NELL1: variants seen among roughly 807,000 people sequenced by gnomAD.
NELL1 encodes the protein protein kinase C-binding protein NELL1.
In NELL1, 76 loss-of-function variants were observed where a neutral mutation model predicts 107.4. The observed-to-expected ratio is 0.71, with a 90% CI of 0.59 to 0.86. The LOEUF (loss-of-function observed/expected upper bound fraction) is 0.86, where lower values mean the gene tolerates loss of function less well. NELL1 is among the 40% of genes least tolerant of loss of function. The pLI is 0.00. For synonymous variants in NELL1, 353 were observed against 341.2 expected (o/e 1.03, Z -0.38); for missense variants, 1,024 against 1,005.5 (o/e 1.02, Z -0.25).
intron 9 of NELL1, among the ~76,000 whole-genome samples, chr11:20,931,727 A>G (rs190701109): frequency 1.1e-3 from 167 of 152,290 alleles, no homozygotes; most frequent in African/African-American, 3.9e-3. Context: ...GAGGGATATA[A>G]GTGAAACTAC....
intron 15 of NELL1, among the ~76,000 whole-genome samples, chr11:21,413,400 C>G (rs972362682): frequency 2.0e-5 from 3 of 151,914 alleles, no homozygotes; most frequent in Non-Finnish European, 4.4e-5. Context: ...ACCCCATTAT[C>G]CATCTTAGAT....
intron 14 of NELL1, among the ~76,000 whole-genome samples, chr11:21,247,137 G>A (rs918232938): frequency 2.6e-5 from 4 of 152,150 alleles, no homozygotes; most frequent in African/African-American, 7.2e-5. Flanking sequence ...GTTGCCCTGG[G>A]TGAGTCAGTG....
intron 14 of NELL1, chr11:21,284,460 C>T (rs542378689): frequency 2.4e-4 from 109 of 458,534 alleles, no homozygotes; most frequent in South Asian, 1.3e-3. Context: ...GTCAACATCA[C>T]GAAACTGGGA....
chr11:21,254,439 T>C (rs1858719012), intron 14 of NELL1, among the ~76,000 whole-genome samples: 1 of 152,006 alleles, frequency 6.6e-6, no homozygotes, highest in South Asian at 2.1e-4. Flanking sequence ...AAATTAAGTA[T>C]CATGAGAAAG....
intron 13 of NELL1, among the ~76,000 whole-genome samples, chr11:21,133,102 C>T (rs980910250): frequency 6.6e-6 from 1 of 152,118 alleles, no homozygotes; most frequent in African/African-American, 2.4e-5. Context: ...ACAGTCAGGT[C>T]ATCCCAACAA....
chr11:20,803,578 T>C (rs1167993207), intron 3 of NELL1, among the ~76,000 whole-genome samples: 2 of 152,246 alleles, frequency 1.3e-5, no homozygotes, highest in Non-Finnish European at 2.9e-5. Flanking sequence ...TTTCTTTACA[T>C]CTACTAACTT....
intron 16 of NELL1, among the ~76,000 whole-genome samples, chr11:21,544,331 A>G (rs2133981995): frequency 6.6e-6 from 1 of 152,142 alleles, no homozygotes; most frequent in South Asian, 2.1e-4. Flanking sequence ...TTTAAATTCC[A>G]TGTTGAAGAC....
rs7940758 is a variant in NELL1 at position 21,022,959 on chromosome 11, C to T, written c.1300+62399C>T. ...TAGGGGCTGTGATAGGAAAGAAGGG[C>T]CACATGAGGAGTGGGGCTGAACTGA... On this transcript the variant is annotated intron_variant, in intron 12 of 19. Coordinates refer to ENST00000357134, the MANE Select transcript of NELL1 (RefSeq NM_006157.5). Among the ~76,000 whole-genome samples the T allele has an allele frequency of 8.6e-3, 1,302 of 152,044 alleles. 16 individuals are homozygous for T. Among genetic ancestry groups the T allele is most frequent in the African/African-American group, 0.03 (1,259 of 41,498 alleles).
intron 15 of NELL1, among the ~76,000 whole-genome samples, chr11:21,395,705 A>C (rs146426017): frequency 7.8e-4 from 118 of 151,708 alleles, no homozygotes; most frequent in African/African-American, 2.8e-3. Context: ...GTTATGCCAC[A>C]GAGTGTAGAA....
rs745553681 is a variant in NELL1, at chr11:20,919,334, A to C, written c.759A>C (p.Lys253Asn). 1 of 1,555,220 alleles carries C rather than the reference A, an allele frequency of 6.4e-7. No individual in the cohort carries two copies. Among genetic ancestry groups the C allele is most frequent in the South Asian group, 1.1e-5 (1 of 87,690 alleles). The change falls in exon 7 of 20, where the codon AAA (lysine) becomes AAC (asparagine). Residue 253 changes from lysine (K) to asparagine (N), a missense_variant and splice_region_variant. Coordinates refer to ENST00000357134, the MANE Select transcript of NELL1 (RefSeq NM_006157.5). ...AGCTTTTGGCCAAGATGACTGCAAA[A>C]GTAGGTATCTAAATTTCATTTGTGA... ...LQELLAKMTA[K>N]LNYAETRLSQ...
intron 15 of NELL1, among the ~76,000 whole-genome samples, chr11:21,510,358 A>G (rs1855405269): frequency 6.6e-6 from 1 of 152,170 alleles, no homozygotes; most frequent in Non-Finnish European, 1.5e-5. Context: ...TTTGTAGAGC[A>G]TTTTCTTAAA....
chr11:20,995,017 C>T (rs1178340156), intron 12 of NELL1, among the ~76,000 whole-genome samples: 2 of 152,102 alleles, frequency 1.3e-5, no homozygotes, highest in African/African-American at 4.8e-5. Flanking sequence ...GGAGAGATAC[C>T]CTGGTGGAAA....
At chr11:20,900,022 TA>T (rs1230109925) in intron 5 of NELL1, among the ~76,000 whole-genome samples, 2 of 152,182 alleles carry the variant, frequency 1.3e-5, no homozygotes, top group East Asian at 3.9e-4. Flanking sequence ...CAACAGCCTT[TA>T]TTTACCTCAC....
intron 2 of NELL1, among the ~76,000 whole-genome samples, chr11:20,715,789 A>T (rs560624718): frequency 6.6e-6 from 1 of 152,342 alleles, no homozygotes; most frequent in South Asian, 2.1e-4. Context: ...TTGTCTGCTT[A>T]AAGAGAATCT....
At chr11:20,673,335 G>A (rs536308398) in intron 1 of NELL1, among the ~76,000 whole-genome samples, 9 of 152,300 alleles carry the variant, frequency 5.9e-5, no homozygotes, top group African/African-American at 1.4e-4. Context: ...AAGGACCTTC[G>A]TAGGTGCCCA....
At chr11:20,943,703 T>C (rs751936566) in intron 10 of NELL1, among the ~76,000 whole-genome samples, 5 of 152,082 alleles carry the variant, frequency 3.3e-5, no homozygotes, top group Non-Finnish European at 5.9e-5. Context: ...GCCACATAGG[T>C]AGTGAGTGAG....
At chr11:21,455,337 T>A (rs1428415380) in intron 15 of NELL1, among the ~76,000 whole-genome samples, 2 of 100,974 alleles carry the variant, frequency 2.0e-5, no homozygotes, top group African/African-American at 3.9e-5. Flanking sequence ...TTTTTTTTTT[T>A]AATGAGAGAG....
chr11:21,380,968 A>G (rs1279410848), intron 15 of NELL1, among the ~76,000 whole-genome samples: 1 of 151,996 alleles, frequency 6.6e-6, no homozygotes, highest in Non-Finnish European at 1.5e-5. Flanking sequence ...CAAATTTTGC[A>G]TTTATTATTT....
intron 2 of NELL1, among the ~76,000 whole-genome samples, chr11:20,783,305 C>A (rs77475151): frequency 0.044 from 6,707 of 152,210 alleles, 527 homozygotes; most frequent in African/African-American, 0.15. Context: ...TTATTTACAG[C>A]AACCTAATCT....
Sources: gnomAD v4.1 joint callset for allele counts (sites outside exome capture counted in the v4.1 genomes callset) on GRCh38, gnomAD v4.1.1 for gene constraint, MANE v1.5 for transcripts, NCBI Gene and HGNC (gene_info 2026-07-23, HGNC 2026-07-21) for gene names.